Variants in LRMDA observed in about 807,000 individuals in gnomAD.
LRMDA encodes leucine-rich melanocyte differentiation-associated protein.
In LRMDA, 18 loss-of-function variants were observed where a neutral mutation model predicts 29.8. The observed-to-expected ratio is 0.60, with a 90% CI of 0.42 to 0.90. The LOEUF (loss-of-function observed/expected upper bound fraction) is 0.90, where lower values mean the gene tolerates loss of function less well. Among genes scored for constraint, LRMDA ranks in the 40% least tolerant of loss-of-function variants. The probability of loss-of-function intolerance (pLI) is 0.00; values close to 1 mark genes in which losing one functional copy is unlikely to be tolerated. For synonymous variants in LRMDA, 125 were observed against 109.4 expected, an observed-to-expected ratio of 1.14 and a Z score of -0.89; for missense variants, 273 against 273.9, an observed-to-expected ratio of 1.00 and a Z score of 0.02.
intron 5 of LRMDA, among the ~76,000 whole-genome samples, chr10:76,126,652 C>T (rs1849889398): frequency 2.6e-5 from 4 of 152,138 alleles, no homozygotes; most frequent in Admixed American, 2.6e-4. Context: ...TTCCATCTTG[C>T]AATACATTTT....
At chr10:75,726,243 C>T (rs999278421) in intron 2 of LRMDA, among the ~76,000 whole-genome samples, 21 of 152,186 alleles carry the variant, frequency 1.4e-4, no homozygotes, top group Non-Finnish European at 2.4e-4. Context: ...AGGAGAAGAA[C>T]GAAAGTTGCA....
intron 5 of LRMDA, among the ~76,000 whole-genome samples, chr10:76,087,777 A>T (rs1396554793): frequency 6.6e-6 from 1 of 152,180 alleles, no homozygotes; most frequent in Non-Finnish European, 1.5e-5. Context: ...TCATTATTCC[A>T]TTGCTCAGTG....
intron 2 of LRMDA, among the ~76,000 whole-genome samples, chr10:75,464,726 A>T (rs1384263609): frequency 6.6e-6 from 1 of 152,088 alleles, no homozygotes; most frequent in Admixed American, 6.5e-5. Flanking sequence ...GATGGAATAG[A>T]CCCCCAGCAA....
intron 2 of LRMDA, among the ~76,000 whole-genome samples, chr10:75,736,436 G>A (rs778441085): frequency 1.3e-5 from 2 of 152,150 alleles, no homozygotes; most frequent in South Asian, 2.1e-4. Flanking sequence ...CACACACAGC[G>A]GGAGACGGAG....
At chr10:75,643,527 T>C (rs1365020588) in intron 2 of LRMDA, among the ~76,000 whole-genome samples, 3 of 152,154 alleles carry the variant, frequency 2.0e-5, no homozygotes, top group African/African-American at 7.2e-5. Flanking sequence ...CTGCCTAGTT[T>C]CAAGGGAAGG....
intron 6 of LRMDA, among the ~76,000 whole-genome samples, chr10:76,534,762 A>G (rs768047048): frequency 2.0e-5 from 3 of 152,148 alleles, no homozygotes; most frequent in Non-Finnish European, 4.4e-5. Context: ...TTGCGGGGGT[A>G]TATTGACAAA....
At chr10:75,656,501 G>A (rs1242193171) in intron 2 of LRMDA, among the ~76,000 whole-genome samples, 1 of 152,142 alleles carries the variant, frequency 6.6e-6, no homozygotes, top group Non-Finnish European at 1.5e-5. Flanking sequence ...CGTGCTTTGG[G>A]TTACTGAATT....
intron 2 of LRMDA, among the ~76,000 whole-genome samples, chr10:75,774,179 T>C (rs1194614834): frequency 6.6e-6 from 1 of 152,206 alleles, no homozygotes; most frequent in East Asian, 1.9e-4. Flanking sequence ...TCTGCAAACA[T>C]AAAAAATAAT....
intron 6 of LRMDA, among the ~76,000 whole-genome samples, chr10:76,480,311 A>C (rs928957126): frequency 6.6e-6 from 1 of 151,942 alleles, no homozygotes; most frequent in Non-Finnish European, 1.5e-5. Context: ...TAAGTTGGTG[A>C]TATTTTCATG....
chr10:75,780,444 A>G (rs534098091), intron 2 of LRMDA, among the ~76,000 whole-genome samples: 28 of 152,312 alleles, frequency 1.8e-4, no homozygotes, highest in Non-Finnish European at 2.9e-5. Flanking sequence ...GAGACCTGGA[A>G]TATAGATCTC....
At chr10:76,544,820 C>T (rs1843400339) in intron 6 of LRMDA, among the ~76,000 whole-genome samples, 1 of 151,572 alleles carries the variant, frequency 6.6e-6, no homozygotes, top group Non-Finnish European at 1.5e-5. Flanking sequence ...CATATTTTAC[C>T]ATTTGGCACT....
chr10:75,956,220 T>A (rs1219395062), intron 2 of LRMDA, among the ~76,000 whole-genome samples: 6 of 152,160 alleles, frequency 3.9e-5, no homozygotes, highest in Non-Finnish European at 5.9e-5. Flanking sequence ...TCAAAGACCA[T>A]GTGAGTAAGT....
intron 5 of LRMDA, among the ~76,000 whole-genome samples, chr10:76,167,027 A>G (rs1033217434): frequency 4.6e-5 from 7 of 152,028 alleles, no homozygotes; most frequent in Admixed American, 4.6e-4. Context: ...ATGGTATCTC[A>G]TTGTGGTTTT....
intron 5 of LRMDA, among the ~76,000 whole-genome samples, chr10:76,145,372 G>A (rs1266157699): frequency 1.3e-5 from 2 of 152,166 alleles, no homozygotes; most frequent in East Asian, 3.9e-4. Context: ...TTCAGAGCCT[G>A]TTTTTGGTCT....
In LRMDA at chr10:76,557,418, T is replaced by A; in HGVS notation, c.*130T>A. ...CTTTGGGAAAAGCTATGACTTCAGC[T>A]TTTGGTACCTTCCGCTGACTTTGCC... On this transcript the variant is annotated 3_prime_UTR_variant, in exon 7 of 7. Transcript: ENST00000611255. The A allele has an allele frequency of 1.4e-6, 1 of 732,024 alleles. No individual in the cohort carries two copies. The highest frequency in any genetic ancestry group is 2.7e-5 in the East Asian group (1 of 37,560). 45.3% of individuals were successfully genotyped at this position (732,024 alleles called of 1,614,324 possible).
intron 5 of LRMDA, among the ~76,000 whole-genome samples, chr10:76,226,520 T>C (rs930410778): frequency 6.6e-6 from 1 of 151,764 alleles, no homozygotes; most frequent in Non-Finnish European, 1.5e-5. Flanking sequence ...GAGGCAGAGG[T>C]TGCAGTGACC....
At chr10:76,414,916 C>T (rs1841999323) in intron 6 of LRMDA, among the ~76,000 whole-genome samples, 1 of 152,256 alleles carries the variant, frequency 6.6e-6, no homozygotes, top group African/African-American at 2.4e-5. Flanking sequence ...CAGGCAGAGG[C>T]ATCTGCAGTT....
chr10:75,673,407 G>C (rs1269162081), intron 2 of LRMDA, among the ~76,000 whole-genome samples: 1 of 152,148 alleles, frequency 6.6e-6, no homozygotes, highest in Non-Finnish European at 1.5e-5. Flanking sequence ...TAAAAAACCA[G>C]ATACATAATA....
chr10:76,036,849 C>T (rs139523003), intron 3 of LRMDA, among the ~76,000 whole-genome samples: 2 of 152,264 alleles, frequency 1.3e-5, no homozygotes, highest in East Asian at 3.9e-4. Flanking sequence ...GTAGCTCCTG[C>T]ATTGTTAGTG....
Sources: gnomAD v4.1 joint callset for allele counts (sites outside exome capture counted in the v4.1 genomes callset) on GRCh38, gnomAD v4.1.1 for gene constraint, MANE v1.5 for transcripts, NCBI Gene and HGNC (gene_info 2026-07-23, HGNC 2026-07-21) for gene names.